KIRREL3: variants seen among roughly 807,000 people sequenced by gnomAD.
KIRREL3 encodes kin of IRRE-like protein 3.
Under a neutral mutation model 89.7 loss-of-function variants are expected in KIRREL3, and 36 were observed. The observed-to-expected ratio is 0.40, with a 90% CI of 0.31 to 0.53. KIRREL3 has a LOEUF of 0.53. KIRREL3 is among the 20% of genes least tolerant of loss of function. KIRREL3 has a pLI of 0.49. For synonymous variants in KIRREL3, 445 were observed against 441.4 expected, an observed-to-expected ratio of 1.01 and a Z score of -0.10; for missense variants, 864 against 1,056.6, an observed-to-expected ratio of 0.82 and a Z score of 2.53.
intron 7 of KIRREL3, among the ~76,000 whole-genome samples, chr11:126,451,684 G>A (rs1433886181): frequency 4.0e-5 from 6 of 151,680 alleles, no homozygotes; most frequent in African/African-American, 1.5e-4. Context: ...ATATGTGCGT[G>A]TGTGTGCACG....
intron 1 of KIRREL3, among the ~76,000 whole-genome samples, chr11:126,667,054 T>C (rs146969997): frequency 3.3e-5 from 5 of 152,304 alleles, no homozygotes; most frequent in African/African-American, 1.2e-4. Context: ...ACAATTTATT[T>C]CAGGGAGAGA....
chr11:126,736,299 A>G lies in KIRREL3; in HGVS notation c.56-173387T>C, dbSNP rs1236489733. Reference sequence around the variant, plus strand: ...TTAATACTCTTGTGAAATGTGCACTATCATCTCCATTTTGCAGATAAGCAA... The same window carrying G: ...TTAATACTCTTGTGAAATGTGCACTGTCATCTCCATTTTGCAGATAAGCAA... On this transcript the variant is annotated intron_variant, in intron 1 of 16. Transcript: ENST00000525144. This position sits in a 1 kb window ranked among gnomAD's most constrained non-coding sequence, Gnocchi z 5.0. Among the ~76,000 whole-genome samples, 1 of 152,178 alleles carries G rather than the reference A, an allele frequency of 6.6e-6. No individual in the cohort carries two copies. The highest frequency in any genetic ancestry group is 1.5e-5 in the Non-Finnish European group (1 of 68,028).
At chr11:126,437,313 C>T (rs1363546346) in intron 11 of KIRREL3, among the ~76,000 whole-genome samples, 2 of 152,214 alleles carry the variant, frequency 1.3e-5, no homozygotes, top group African/African-American at 4.8e-5. Context: ...CAGCTCCCCA[C>T]ACATGGCCAA....
chr11:126,504,006 G>A (rs894053166), intron 4 of KIRREL3, among the ~76,000 whole-genome samples: 1 of 152,140 alleles, frequency 6.6e-6, no homozygotes. Context: ...TAAGACATTG[G>A]TCTGGATTAT....
At chr11:126,721,920 A>G (rs1201995753) in intron 1 of KIRREL3, among the ~76,000 whole-genome samples, 1 of 152,212 alleles carries the variant, frequency 6.6e-6, no homozygotes, top group Non-Finnish European at 1.5e-5. Context: ...CTCACAGTCC[A>G]AAAGCCTTTT....
chr11:126,633,419 G>T (rs1188351418), intron 1 of KIRREL3, among the ~76,000 whole-genome samples: 1 of 152,126 alleles, frequency 6.6e-6, no homozygotes, highest in South Asian at 2.1e-4. Context: ...GAGGTGTTTG[G>T]GTTGTGGGGG....
At chr11:126,478,099 G>C (rs1024657448) in intron 4 of KIRREL3, among the ~76,000 whole-genome samples, 1 of 152,232 alleles carries the variant, frequency 6.6e-6, no homozygotes, top group Non-Finnish European at 1.5e-5. Context: ...TTACACAGCA[G>C]ACCCTGGCCC....
rs1407718271 is a variant in KIRREL3, at chr11:126,642,811, G to T, written c.56-79899C>A. 6.6e-6 allele frequency among the ~76,000 whole-genome samples: 1 copy of T among 152,162 alleles called. No homozygotes were observed. The highest frequency in any genetic ancestry group is 2.4e-5 in the African/African-American group (1 of 41,444). ...CCCTTCAAGGGTTATGATTTTGTAT[G>T]TGCAAAATTCTGAACTGTACATCCA... is the stretch of plus-strand genomic sequence containing the variant. On this transcript the variant is annotated intron_variant, in intron 1 of 16. Coordinates refer to ENST00000525144, the MANE Select transcript of KIRREL3 (RefSeq NM_032531.4). This position sits in a 1 kb window ranked among gnomAD's most constrained non-coding sequence, Gnocchi z 4.9.
At chr11:126,540,197 C>T (rs183490787) in intron 2 of KIRREL3, among the ~76,000 whole-genome samples, 1 of 152,290 alleles carries the variant, frequency 6.6e-6, no homozygotes, top group East Asian at 1.9e-4. Flanking sequence ...ATCCCAGCAT[C>T]GCCACCTGCA....
intron 6 of KIRREL3, among the ~76,000 whole-genome samples, chr11:126,457,771 T>C (rs972105064): frequency 6.6e-6 from 1 of 151,910 alleles, no homozygotes; most frequent in Non-Finnish European, 1.5e-5. Flanking sequence ...ACCCGGCACA[T>C]AGGGCCCGAC....
chr11:126,873,289 A>G (rs190086762), intron 1 of KIRREL3, among the ~76,000 whole-genome samples: 188 of 152,334 alleles, frequency 1.2e-3, no homozygotes, highest in Middle Eastern at 6.8e-3. Context: ...TGTGATGCAA[A>G]TGAAGGCTGA....
chr11:126,504,462 T>C (rs531986603), intron 4 of KIRREL3, among the ~76,000 whole-genome samples: 71 of 152,332 alleles, frequency 4.7e-4, no homozygotes, highest in African/African-American at 1.5e-3. Flanking sequence ...TGAGTCTTTG[T>C]TTACACAAAG....
chr11:126,519,146 G>C lies in KIRREL3; in HGVS notation c.433+2169C>G, dbSNP rs916962834. Among the ~76,000 whole-genome samples, 6 of 152,236 alleles carry C rather than the reference G, an allele frequency of 3.9e-5. No individual in the cohort carries two copies. The highest frequency in any genetic ancestry group is 1.4e-4 in the African/African-American group (6 of 41,476). ...CCATACAAACCCAGCTCTGTGCCCA[G>C]AGGGCGGTGTCAGGCCATGCCACCG... On this transcript the variant is annotated intron_variant, in intron 4 of 16. Coordinates refer to ENST00000525144, the MANE Select transcript of KIRREL3 (RefSeq NM_032531.4). This position sits in a 1 kb window ranked among gnomAD's most constrained non-coding sequence, Gnocchi z 4.3.
Position 126,808,835 on chromosome 11 carries a change from T to C in KIRREL3, c.55+191620A>G, listed in dbSNP as rs1484910955. Reference sequence around the variant, plus strand: ...GGCTCTTGTAAAAAGTTCTACAATTTGTCAGCTGGCAGCTTATTAAATACC... The same window carrying C: ...GGCTCTTGTAAAAAGTTCTACAATTCGTCAGCTGGCAGCTTATTAAATACC... On this transcript the variant is annotated intron_variant, in intron 1 of 16. Transcript: ENST00000525144. The surrounding 1 kb of genome is among the most constrained non-coding windows in gnomAD (Gnocchi z 4.1). Among the ~76,000 whole-genome samples the C allele has an allele frequency of 6.6e-6, 1 of 152,238 alleles. No homozygotes were observed. Among genetic ancestry groups the C allele is most frequent in the African/African-American group, 2.4e-5 (1 of 41,468 alleles).
rs1947507263 is a variant in KIRREL3, at chr11:126,705,810, C to A, written c.56-142898G>T. Among the ~76,000 whole-genome samples the A allele has an allele frequency of 6.6e-6, 1 of 152,204 alleles. No individual in the cohort carries two copies. Among genetic ancestry groups the A allele is most frequent in the Non-Finnish European group, 1.5e-5 (1 of 68,046 alleles). ...CTCTCCTATTTTAGAACTGCCATGG[C>A]ACTGTGACTTGCCTTGACCACTAAA... On this transcript the variant is annotated intron_variant, in intron 1 of 16. Coordinates refer to ENST00000525144, the MANE Select transcript of KIRREL3 (RefSeq NM_032531.4). This position sits in a 1 kb window ranked among gnomAD's most constrained non-coding sequence, Gnocchi z 4.3.
In KIRREL3 at chr11:126,981,673, A is replaced by AG. The variant is rs1407091412; in HGVS notation, c.55+18781dup. 6.6e-6 allele frequency among the ~76,000 whole-genome samples: 1 copy of AG among 152,186 alleles called. No homozygotes were observed. Among genetic ancestry groups the AG allele is most frequent in the African/African-American group, 2.4e-5 (1 of 41,444 alleles). Reference sequence around the variant, plus strand: ...GAGGAGGTCTCAGCCACACATGCTCAGGGGGCTTTTATCAATGCACCCCCA... The same window carrying AG: ...GAGGAGGTCTCAGCCACACATGCTCAGGGGGGCTTTTATCAATGCACCCCCA... On this transcript the variant is annotated intron_variant, in intron 1 of 16. Coordinates refer to ENST00000525144, the MANE Select transcript of KIRREL3 (RefSeq NM_032531.4). The surrounding 1 kb of genome is among the most constrained non-coding windows in gnomAD (Gnocchi z 4.2).
In KIRREL3 at chr11:126,981,750, C is replaced by T. The variant is rs645298; in HGVS notation, c.55+18705G>A. Among the ~76,000 whole-genome samples the T allele has an allele frequency of 0.12, 18,769 of 152,108 alleles. 1,352 individuals carry two copies. Among genetic ancestry groups the T allele is most frequent in the Middle Eastern group, 0.21 (60 of 292 alleles). ...TGCCTGGGGAACTGGGGAAGGCCCC[C>T]GTTTCTACCAAAGAGGGCCTCTCTC... On this transcript the variant is annotated intron_variant, in intron 1 of 16. Coordinates refer to ENST00000525144, the MANE Select transcript of KIRREL3 (RefSeq NM_032531.4). This position sits in a 1 kb window ranked among gnomAD's most constrained non-coding sequence, Gnocchi z 4.2.
chr11:126,571,460 T>A lies in KIRREL3; in HGVS notation c.56-8548A>T, dbSNP rs562870533. Among the ~76,000 whole-genome samples, 6 of 152,350 alleles carry A rather than the reference T, an allele frequency of 3.9e-5. No homozygotes were observed. The East Asian group carries it at 1.2e-3, about 29-fold the overall frequency. ...CTCTCCCTTGGCCAGCATCACCAAGTGTCTGCCACCTGGGACCAGGCTCAT... is the reference window on the plus strand; with the variant it reads ...CTCTCCCTTGGCCAGCATCACCAAGAGTCTGCCACCTGGGACCAGGCTCAT... On this transcript the variant is annotated intron_variant, in intron 1 of 16. Coordinates refer to ENST00000525144, the MANE Select transcript of KIRREL3 (RefSeq NM_032531.4). This position sits in a 1 kb window ranked among gnomAD's most constrained non-coding sequence, Gnocchi z 7.7.
At chr11:126,600,943 A>G (rs1224884866) in intron 1 of KIRREL3, among the ~76,000 whole-genome samples, 1 of 152,112 alleles carries the variant, frequency 6.6e-6, no homozygotes, top group Non-Finnish European at 1.5e-5. Flanking sequence ...AGTTATTTGC[A>G]TATTCCCTTC....
Sources: gnomAD v4.1 joint callset for allele counts (sites outside exome capture counted in the v4.1 genomes callset) on GRCh38, gnomAD v4.1.1 for gene constraint, Gnocchi (gnomAD v3.1) non-coding constraint, MANE v1.5 for transcripts, NCBI Gene and HGNC (gene_info 2026-07-23, HGNC 2026-07-21) for gene names.